Variants in BICDL1 observed in about 807,000 individuals in gnomAD.
BICDL1 encodes the protein BICD family-like cargo adapter 1.
In BICDL1, 20 loss-of-function variants were observed where a neutral mutation model predicts 76.8. The ratio of observed to expected loss-of-function variants is 0.26; its 90% CI spans 0.18 to 0.38. The LOEUF is 0.38. BICDL1 is among the 10% of genes least tolerant of loss of function. The pLI, the probability that BICDL1 is intolerant of heterozygous loss-of-function variation, is 1.00. For synonymous variants in BICDL1, 383 were observed against 337.1 expected (o/e 1.14, Z -1.49); for missense variants, 700 against 798.6 (o/e 0.88, Z 1.49).
At chr12:120,057,976 G>A (rs894655874) in intron 2 of BICDL1, among the ~76,000 whole-genome samples, 23 of 151,694 alleles carry the variant, frequency 1.5e-4, no homozygotes, top group African/African-American at 4.8e-4. Flanking sequence ...GACCACAGGC[G>A]CCCGCCACCA....
chr12:120,071,588 G>GGT lies in BICDL1; in HGVS notation c.910-33_910-32dup. The stretch of plus-strand genomic sequence containing the variant: ...TCAGTTTGTCTTGGTTTTTGTGTTT[G>GGT]GTAAACCTCAACCATTTGCTCTTTC... On this transcript the variant is annotated intron_variant, in intron 4 of 9. Transcript: ENST00000548673. The surrounding 1 kb of genome is among the most constrained non-coding windows in gnomAD (Gnocchi z 4.8). The GGT allele has an allele frequency of 6.4e-7, 1 of 1,565,504 alleles. No homozygotes were observed. The highest frequency in any genetic ancestry group is 8.7e-7 in the Non-Finnish European group (1 of 1,155,254).
At chr12:119,990,577 T>G (rs1468576133) in intron 1 of BICDL1, among the ~76,000 whole-genome samples, 2 of 152,202 alleles carry the variant, frequency 1.3e-5, no homozygotes, top group Non-Finnish European at 2.9e-5. Flanking sequence ...GAGCTTACAG[T>G]ATGACTATAT....
chr12:120,016,039 G>A (rs954188118), intron 2 of BICDL1, among the ~76,000 whole-genome samples: 3 of 152,002 alleles, frequency 2.0e-5, no homozygotes, highest in Non-Finnish European at 4.4e-5. Context: ...CCCCCATATC[G>A]TTCTGCATTC....
chr12:120,005,891 C>T (rs187902476), intron 2 of BICDL1, among the ~76,000 whole-genome samples: 1 of 152,172 alleles, frequency 6.6e-6, no homozygotes, highest in Non-Finnish European at 1.5e-5. Flanking sequence ...CTTGTTCATA[C>T]ATTTTTGCAC....
chr12:120,062,435 C>G (rs1233849523), intron 3 of BICDL1, among the ~76,000 whole-genome samples: 1 of 152,020 alleles, frequency 6.6e-6, no homozygotes, highest in Non-Finnish European at 1.5e-5. Context: ...CCAGGCCTCC[C>G]CCTAGGGGAG....
intron 2 of BICDL1, among the ~76,000 whole-genome samples, chr12:120,008,909 T>A (rs895437812): frequency 2.6e-5 from 4 of 151,466 alleles, no homozygotes; most frequent in African/African-American, 9.7e-5. Context: ...GTTAAACACA[T>A]TAGGGTGGTA....
chr12:119,989,774 CGCGGGACGCGGG>C lies in BICDL1; in HGVS notation c.-90_-79del, dbSNP rs1344788063. On this transcript the variant is annotated 5_prime_UTR_variant, in exon 1 of 10. Coordinates refer to ENST00000548673, the MANE Select transcript of BICDL1 (RefSeq NM_001367886.1). ...GCGCGTGCCGCGGCGCGAGGCGAGG[CGCGGGACGCGGG>C]GCGGCGCGGCAGGGCCCCTCCCCCC... The C allele has an allele frequency of 2.1e-6, 1 of 472,392 alleles. No homozygotes were observed. Among genetic ancestry groups the C allele is most frequent in the African/African-American group, 2.2e-5 (1 of 45,764 alleles). 29.3% of individuals were successfully genotyped at this position (472,392 alleles called of 1,614,324 possible).
chr12:120,061,982 G>A lies in BICDL1; in HGVS notation c.762+156G>A, dbSNP rs181961758. Among the ~76,000 whole-genome samples, 8 of 152,326 alleles carry A rather than the reference G, an allele frequency of 5.3e-5. No individual in the cohort carries two copies. The East Asian group carries it at 1.5e-3, about 29-fold the overall frequency. The stretch of plus-strand genomic sequence containing the variant: ...TTTGATCTGTTTCTCTGGGTAGCCT[G>A]TTGTCTGGAAAAATGAAGTTGCTCA... On this transcript the variant is annotated intron_variant, in intron 3 of 9. Coordinates refer to ENST00000548673, the MANE Select transcript of BICDL1 (RefSeq NM_001367886.1).
intron 2 of BICDL1, among the ~76,000 whole-genome samples, chr12:119,998,981 CAGG>C (rs1293177656): frequency 1.4e-5 from 2 of 146,558 alleles, no homozygotes; most frequent in Non-Finnish European, 3.0e-5. Flanking sequence ...CGCTTGAGCC[CAGG>C]AGGTCAAGGC....
intron 2 of BICDL1, among the ~76,000 whole-genome samples, chr12:120,006,136 C>T (rs553477546): frequency 6.6e-6 from 1 of 152,066 alleles, no homozygotes; most frequent in South Asian, 2.1e-4. Flanking sequence ...ATAATGGTTA[C>T]CTGGGGAATG....
At chr12:119,990,689 G>A (rs1951502956) in intron 1 of BICDL1, among the ~76,000 whole-genome samples, 1 of 152,210 alleles carries the variant, frequency 6.6e-6, no homozygotes, top group Admixed American at 6.5e-5. Context: ...CAGGGTGTTA[G>A]CCTAAAGCCT....
intron 2 of BICDL1, among the ~76,000 whole-genome samples, chr12:120,057,997 A>AT (rs904984038): frequency 3.3e-5 from 5 of 150,316 alleles, no homozygotes; most frequent in South Asian, 4.2e-4. Flanking sequence ...CGCCTGGAGA[A>AT]TTTTTTTTTG....
rs781268411 is a variant in BICDL1, at chr12:120,094,026, CTGAA to C, written c.*868_*871del. ...GGCCTAGCCAAACAAGTCCAGGCCA[CTGAA>C]TGGCACCAGAGGGGTCTGTGGTCAG... On this transcript the variant is annotated 3_prime_UTR_variant, in exon 10 of 10. Coordinates refer to ENST00000548673, the MANE Select transcript of BICDL1 (RefSeq NM_001367886.1). 5.8e-5 allele frequency: 21 copies of C among 364,882 alleles called. No homozygotes were observed. The highest frequency in any genetic ancestry group is 1.0e-4 in the Non-Finnish European group (19 of 183,402). 22.6% of individuals were successfully genotyped at this position (364,882 alleles called of 1,614,324 possible).
intron 4 of BICDL1, among the ~76,000 whole-genome samples, chr12:120,069,600 G>A (rs1464585559): frequency 6.6e-6 from 1 of 152,136 alleles, no homozygotes; most frequent in Non-Finnish European, 1.5e-5. Flanking sequence ...CTAATGGTTG[G>A]GTGGGGGTAG....
At chr12:120,043,128 A>G (rs574948078) in intron 2 of BICDL1, among the ~76,000 whole-genome samples, 110 of 152,320 alleles carry the variant, frequency 7.2e-4, no homozygotes, top group Admixed American at 1.3e-4. Flanking sequence ...AACAATGCTC[A>G]TCCTGTAGCG....
chr12:120,033,710 C>T (rs1952477025), intron 2 of BICDL1, among the ~76,000 whole-genome samples: 1 of 151,926 alleles, frequency 6.6e-6, no homozygotes, highest in African/African-American at 2.4e-5. Context: ...TTTAAATTTA[C>T]CTGGTTGTTT....
chr12:120,064,771 T>C lies in BICDL1; in HGVS notation c.801T>C (p.His267=). The change falls in exon 4 of 10, where the codon CAT becomes CAC. Residue 267 remains histidine (H), a synonymous_variant. Transcript: ENST00000548673. ...MLSDRKRELE[H]RLSATLEEND... ...CAGATCGGAAACGGGAGCTGGAGCA[T>C]CGTCTCAGCGCTACTTTAGAGGAAA... The C allele has an allele frequency of 2.5e-6, 4 of 1,613,380 alleles. No individual in the cohort carries two copies. The highest frequency in any genetic ancestry group is 3.4e-6 in the Non-Finnish European group (4 of 1,179,724).
At chr12:120,005,042 C>G (rs1057095354) in intron 2 of BICDL1, among the ~76,000 whole-genome samples, 7 of 152,138 alleles carry the variant, frequency 4.6e-5, no homozygotes, top group African/African-American at 1.7e-4. Flanking sequence ...AGTCTAGTCT[C>G]AAACTCCTTG....
At position 119,998,628 on chromosome 12, in the gene BICDL1, T is replaced by A. The variant is rs1214667909; in HGVS notation, c.537T>A (p.Asp179Glu). The change falls in exon 2 of 10, where the codon GAT becomes GAA. Residue 179 changes from aspartate (D) to glutamate (E), a missense_variant. Physicochemically the swap from Asp to Glu is conservative, Grantham distance 45 (BLOSUM62 2). Around this residue, in one of 3 missense-constraint regions of BICDL1, gnomAD observed 20 missense variants for 50.3 expected, o/e 0.40. Transcript: ENST00000548673. ...AGAGTGATGTGAAGCAGCTACAGGATGAGTTGGAGAGGCAGCAGATTCATC... is the reference window on the plus strand; with the variant it reads ...AGAGTGATGTGAAGCAGCTACAGGAAGAGTTGGAGAGGCAGCAGATTCATC... ...ELESDVKQLQ[D>E]ELERQQIHLR... 6.2e-7 allele frequency: 1 copy of A among 1,613,492 alleles called. No individual in the cohort carries two copies. The highest frequency in any genetic ancestry group is 8.5e-7 in the Non-Finnish European group (1 of 1,179,910).
Sources: allele counts gnomAD v4.1 joint callset (sites outside exome capture counted in the v4.1 genomes callset), GRCh38; gene constraint gnomAD v4.1.1; regional missense constraint gnomAD v4.1.1; non-coding constraint Gnocchi (gnomAD v3.1); transcripts MANE v1.5; gene names NCBI Gene and HGNC (gene_info 2026-07-23, HGNC 2026-07-21).